Variants in TBX15 observed in about 807,000 individuals in gnomAD.
TBX15 encodes the protein T-box transcription factor TBX15.
TBX15 carries 18 observed loss-of-function variants against 53.9 expected under a neutral mutation model. The ratio of observed to expected loss-of-function variants is 0.33; its 90% CI spans 0.23 to 0.49. The LOEUF is 0.49. Ranked by LOEUF, TBX15 falls within the 20% of genes least tolerant of loss-of-function variation. The probability of loss-of-function intolerance (pLI) is 0.98; values close to 1 mark genes in which losing one functional copy is unlikely to be tolerated. For missense variants in TBX15, 692 were observed against 749.5 expected, an observed-to-expected ratio of 0.92 and a Z score of 0.90; for synonymous variants, 295 against 278.0, an observed-to-expected ratio of 1.06 and a Z score of -0.61.
chr1:118,973,219 C>T (rs1657295474), intron 1 of TBX15, among the ~76,000 whole-genome samples: 1 of 152,190 alleles, frequency 6.6e-6, no homozygotes, highest in Admixed American at 6.5e-5. Flanking sequence ...TTCAAAGTCA[C>T]AGCCAGAAGA....
At chr1:118,965,506 G>C (rs1031662255) in intron 1 of TBX15, among the ~76,000 whole-genome samples, 1 of 152,090 alleles carries the variant, frequency 6.6e-6, no homozygotes, top group African/African-American at 2.4e-5. Context: ...ACAACCTTTC[G>C]GGAGGGTAAT....
intron 1 of TBX15, among the ~76,000 whole-genome samples, chr1:118,949,572 A>G (rs1258568286): frequency 1.3e-5 from 2 of 152,244 alleles, no homozygotes; most frequent in Non-Finnish European, 2.9e-5. Context: ...GATGTCACAC[A>G]AGCATTTTCA....
chr1:118,936,221 T>G (rs370083568), intron 1 of TBX15, among the ~76,000 whole-genome samples: 2 of 152,188 alleles, frequency 1.3e-5, no homozygotes, highest in African/African-American at 4.8e-5. Context: ...TAGTACAGCT[T>G]AGAGACCACC....
In TBX15 at chr1:118,884,773, C is replaced by G. The variant is rs1179701374; in HGVS notation, c.1768G>C (p.Val590Leu). Reference sequence around the variant, plus strand: ...GACATCTGGGAGGAGGAGCCTGGAACTGCCCCATACTGCCGGCCATCACAA... The same window carrying G: ...GACATCTGGGAGGAGGAGCCTGGAAGTGCCCCATACTGCCGGCCATCACAA... Reference protein sequence around the residue: ...NTCDGRQYGAVPGSSSQMSVH... With the variant: ...NTCDGRQYGALPGSSSQMSVH... Residue 590 changes from valine to leucine, a missense_variant, in exon 8 of 8, where the codon GTT becomes CTT. By Grantham distance (32) the Val-to-Leu change is conservative. Coordinates refer to ENST00000369429, the MANE Select transcript of TBX15 (RefSeq NM_001330677.2). 1 of 1,614,132 alleles carries G rather than the reference C, an allele frequency of 6.2e-7. No homozygotes were observed. Among genetic ancestry groups the G allele is most frequent in the East Asian group, 2.2e-5 (1 of 44,860 alleles).
At chr1:118,948,158 C>T (rs1214086022) in intron 1 of TBX15, among the ~76,000 whole-genome samples, 1 of 151,978 alleles carries the variant, frequency 6.6e-6, no homozygotes, top group Non-Finnish European at 1.5e-5. Flanking sequence ...ATGCTAAGTG[C>T]CTTTTCCTAT....
chr1:118,884,218 AC>A lies in TBX15; in HGVS notation c.*513del. ...GCTGGCCCACTCCATCTAGAGTTGT[AC>A]ACAGACAAATTCTTGGTGAAAGCAC... On this transcript the variant is annotated 3_prime_UTR_variant, in exon 8 of 8. Transcript: ENST00000369429. The A allele has an allele frequency of 1.2e-5, 2 of 171,432 alleles. No homozygotes were observed. 10.6% of individuals were successfully genotyped at this position (171,432 alleles called of 1,614,324 possible).
At chr1:118,979,207 C>CT (rs141147792) in intron 1 of TBX15, among the ~76,000 whole-genome samples, 44,104 of 151,038 alleles carry the variant, frequency 0.29, 6,722 homozygotes, top group Non-Finnish European at 0.32. Context: ...CTTTTTCTTT[C>CT]TTTTTTTTTA....
At chr1:118,908,049 A>G (rs899121948) in intron 6 of TBX15, among the ~76,000 whole-genome samples, 2 of 152,108 alleles carry the variant, frequency 1.3e-5, no homozygotes, top group African/African-American at 4.8e-5. Context: ...ATTGCCATTA[A>G]TCTTTAAACT....
At chr1:118,919,964 CTTT>C (rs1450197045) in intron 5 of TBX15, among the ~76,000 whole-genome samples, 1 of 152,104 alleles carries the variant, frequency 6.6e-6, no homozygotes. Flanking sequence ...ACCCATATTT[CTTT>C]ATTTTTCTCA....
At chr1:118,936,580 T>C (rs1428182941) in intron 1 of TBX15, among the ~76,000 whole-genome samples, 5 of 152,162 alleles carry the variant, frequency 3.3e-5, no homozygotes, top group African/African-American at 1.2e-4. Context: ...TGATAAAGCA[T>C]AGTGTAATGG....
Position 118,939,425 on chromosome 1 carries a change from AAAAAAAAAAAAC to A in TBX15, c.206-7605_206-7594del, listed in dbSNP as rs1189454511. Among the ~76,000 whole-genome samples the A allele has an allele frequency of 1.8e-3, 199 of 107,702 alleles. 3 individuals are homozygous for A. Among genetic ancestry groups the A allele is most frequent in the Middle Eastern group, 5.3e-3 (1 of 190 alleles). The allele number at this position is 107,702 out of a possible 152,430, so 70.7% of individuals were successfully genotyped here. On this transcript the variant is annotated intron_variant, in intron 1 of 7. Transcript: ENST00000369429. ...CTAGTCTCAAAAAAAAAAAAAAAAAAAAAAAAAAAAACAAAAACAGGAACAGAAAACCAAATA... is the reference window on the plus strand; with the variant it reads ...CTAGTCTCAAAAAAAAAAAAAAAAAAAAAAACAGGAACAGAAAACCAAATA...
chr1:118,989,470 C>A (rs1462199238), upstream of TBX15: 1 of 152,182 alleles, frequency 6.6e-6, no homozygotes, highest in East Asian at 1.9e-4. Context: ...TCGGATTTCG[C>A]GGACAGCGGC....
intron 4 of TBX15, 102 bp downstream of exon 4, chr1:118,924,544 G>C (rs1348791141): frequency 7.2e-7 from 1 of 1,381,956 alleles, no homozygotes; most frequent in Non-Finnish European, 1.0e-6. Flanking sequence ...AAGTGGCATA[G>C]AGATTCCTTA....
At chr1:118,895,440 A>G (rs979904605) in intron 7 of TBX15, among the ~76,000 whole-genome samples, 3 of 152,234 alleles carry the variant, frequency 2.0e-5, no homozygotes, top group Non-Finnish European at 2.9e-5. Flanking sequence ...CATTATATAC[A>G]TGAGGAAGTT....
intron 5 of TBX15, among the ~76,000 whole-genome samples, chr1:118,918,117 G>A (rs147201559): frequency 2.8e-4 from 43 of 152,254 alleles, no homozygotes; most frequent in Non-Finnish European, 4.9e-4. Context: ...TCCTGAGAGA[G>A]ATCTTCTCTG....
chr1:118,905,231 AC>A (rs1269294423), intron 6 of TBX15, among the ~76,000 whole-genome samples: 1 of 152,170 alleles, frequency 6.6e-6, no homozygotes, highest in African/African-American at 2.4e-5. Context: ...TCTCAAAGAA[AC>A]AAAAACGTGT....
At chr1:118,913,945 C>A (rs983987892) in intron 6 of TBX15, among the ~76,000 whole-genome samples, 170 bp downstream of exon 6, 1 of 152,140 alleles carries the variant, frequency 6.6e-6, no homozygotes, top group African/African-American at 2.4e-5. Flanking sequence ...TTAGACTATG[C>A]AACAAAGAAT....
At chr1:118,968,513 C>T (rs1657127520) in intron 1 of TBX15, among the ~76,000 whole-genome samples, 1 of 152,140 alleles carries the variant, frequency 6.6e-6, no homozygotes, top group Non-Finnish European at 1.5e-5. Context: ...AGCCTAACAT[C>T]GTCTGAGGAA....
At chr1:118,953,674 C>T (rs1044294819) in intron 1 of TBX15, among the ~76,000 whole-genome samples, 1 of 152,218 alleles carries the variant, frequency 6.6e-6, no homozygotes. Context: ...CCAGTACCAA[C>T]ACTTTATACA....
Sources: gnomAD v4.1 joint callset for allele counts (sites outside exome capture counted in the v4.1 genomes callset) on GRCh38, gnomAD v4.1.1 for gene constraint, MANE v1.5 for transcripts, NCBI Gene and HGNC (gene_info 2026-07-23, HGNC 2026-07-21) for gene names.